TACR3: variants seen among roughly 807,000 people sequenced by gnomAD.
TACR3 encodes neuromedin-K receptor.
TACR3 carries 34 observed loss-of-function variants against 35.0 expected under a neutral mutation model. That is an observed-to-expected ratio of 0.97 (90% CI 0.74 to 1.30). The LOEUF is 1.30. TACR3 is among the 50% of genes most tolerant of loss of function. The probability of loss-of-function intolerance (pLI) is 0.00; values close to 1 mark genes in which losing one functional copy is unlikely to be tolerated. For synonymous variants in TACR3, 233 were observed against 221.1 expected (o/e 1.05, Z -0.48); for missense variants, 558 against 591.7 (o/e 0.94, Z 0.59).
chr4:103,649,984 GGGAA>G (rs1457311868), intron 3 of TACR3, among the ~76,000 whole-genome samples: 2 of 151,944 alleles, frequency 1.3e-5, no homozygotes, highest in Admixed American at 1.3e-4. Context: ...CATCCTTCTT[GGGAA>G]GGATTTCTAG....
chr4:103,634,932 T>C (rs1725147488), intron 3 of TACR3, among the ~76,000 whole-genome samples: 1 of 152,064 alleles, frequency 6.6e-6, no homozygotes, highest in African/African-American at 2.4e-5. Context: ...ATCCAGAGCA[T>C]TGTTGGGAGT....
chr4:103,661,572 T>G (rs185711622), intron 1 of TACR3, among the ~76,000 whole-genome samples: 3 of 152,186 alleles, frequency 2.0e-5, no homozygotes, highest in African/African-American at 7.2e-5. Flanking sequence ...TAAAGCCCTG[T>G]ACAACTCCTG....
chr4:103,665,232 GTATGACTCATA>G, intron 1 of TACR3, among the ~76,000 whole-genome samples: 1 of 138,644 alleles, frequency 7.2e-6, no homozygotes, highest in Non-Finnish European at 1.7e-5. Flanking sequence ...GCTGACTCAT[GTATGACTCATA>G]TATGACTATG....
chr4:103,704,072 C>T (rs1455527498), intron 1 of TACR3, among the ~76,000 whole-genome samples: 1 of 118,840 alleles, frequency 8.4e-6, no homozygotes, highest in African/African-American at 3.2e-5. Flanking sequence ...CCCCTGCATT[C>T]CAGTCTGGGC....
chr4:103,590,093 TC>T, intron 4 of TACR3, 99 bp from the exon 5 acceptor site: 1 of 1,476,108 alleles, frequency 6.8e-7, no homozygotes, highest in Admixed American at 2.0e-5. Flanking sequence ...TTATAACAAC[TC>T]AGTTTTTGAG....
intron 1 of TACR3, among the ~76,000 whole-genome samples, chr4:103,702,900 G>T: frequency 8.8e-6 from 1 of 113,982 alleles, no homozygotes; most frequent in Non-Finnish European, 1.7e-5. Flanking sequence ...GGGACCTGTT[G>T]TGGGGTGGGG....
At chr4:103,602,233 C>T (rs188592765) in intron 3 of TACR3, among the ~76,000 whole-genome samples, 35 of 152,282 alleles carry the variant, frequency 2.3e-4, no homozygotes, top group African/African-American at 8.4e-4. Flanking sequence ...GTTTTCAGCT[C>T]CATCATGTCC....
In TACR3 at chr4:103,587,611, A is replaced by C. The variant is rs899194880; in HGVS notation, c.*2071T>G. On this transcript the variant is annotated 3_prime_UTR_variant, in exon 5 of 5. Coordinates refer to ENST00000304883, the MANE Select transcript of TACR3 (RefSeq NM_001059.3). ...GTAGTGGCTGATGACATTAAATTTG[A>C]GGGCTAAACTTCATATTCATATTTT... 4 of 151,982 alleles carry C rather than the reference A, an allele frequency of 2.6e-5. No homozygotes were observed. Among genetic ancestry groups the C allele is most frequent in the Admixed American group, 2.6e-4 (4 of 15,222 alleles). The allele number at this position is 151,982 out of a possible 1,614,324, so 9.4% of individuals were successfully genotyped here. A position where few individuals can be genotyped will look rare whatever the true frequency, so the allele number is the denominator to read the frequency against.
intron 3 of TACR3, among the ~76,000 whole-genome samples, chr4:103,600,794 T>G (rs937339603): frequency 6.6e-6 from 1 of 152,204 alleles, no homozygotes; most frequent in African/African-American, 2.4e-5. Context: ...TAATCCTGAG[T>G]TCTAGTTTGA....
intron 1 of TACR3, among the ~76,000 whole-genome samples, chr4:103,664,414 T>A (rs774186352): frequency 3.9e-5 from 6 of 152,212 alleles, no homozygotes; most frequent in Non-Finnish European, 7.3e-5. Flanking sequence ...TGTTTCTGGA[T>A]TTTTATGAGC....
intron 3 of TACR3, among the ~76,000 whole-genome samples, chr4:103,619,868 TC>T (rs1167826373): frequency 3.3e-5 from 5 of 152,240 alleles, no homozygotes; most frequent in Non-Finnish European, 7.4e-5. Context: ...CAGGAATGTC[TC>T]CAAAGTAACA....
intron 1 of TACR3, among the ~76,000 whole-genome samples, chr4:103,688,694 A>G (rs1338962795): frequency 6.6e-6 from 1 of 151,414 alleles, no homozygotes; most frequent in African/African-American, 2.4e-5. Flanking sequence ...CAAAACCACA[A>G]TGAGATATCA....
At chr4:103,599,515 G>T (rs1279317434) in intron 3 of TACR3, among the ~76,000 whole-genome samples, 3 of 152,178 alleles carry the variant, frequency 2.0e-5, no homozygotes, top group Admixed American at 6.5e-5. Context: ...GTGAGAGAGG[G>T]CATCCTTGTC....
At chr4:103,689,992 C>T (rs371285242) in intron 1 of TACR3, among the ~76,000 whole-genome samples, 13 of 151,932 alleles carry the variant, frequency 8.6e-5, no homozygotes, top group African/African-American at 3.1e-4. Context: ...ACAAGAGAGC[C>T]ATAATGAAAT....
intron 4 of TACR3, chr4:103,591,243 A>G (rs2110282993): frequency 3.9e-6 from 2 of 517,490 alleles, no homozygotes; most frequent in South Asian, 5.0e-5. Context: ...AAGTTGGCCC[A>G]TAGAAGAATC....
intron 1 of TACR3, among the ~76,000 whole-genome samples, chr4:103,678,717 A>T (rs1487291588): frequency 6.6e-6 from 1 of 152,006 alleles, no homozygotes; most frequent in Admixed American, 6.6e-5. Flanking sequence ...TTAAGTGGAT[A>T]GAAAATGATG....
chr4:103,713,483 G>A (rs567049223), intron 1 of TACR3, among the ~76,000 whole-genome samples: 4 of 96,628 alleles, frequency 4.1e-5, no homozygotes, highest in Non-Finnish European at 7.6e-5. Context: ...GGGGTGGGGG[G>A]AGGGGGGAGG....
intron 3 of TACR3, among the ~76,000 whole-genome samples, chr4:103,614,790 T>TAAGA (rs1724596780): frequency 6.6e-6 from 1 of 151,942 alleles, no homozygotes; most frequent in Non-Finnish European, 1.5e-5. Flanking sequence ...CAATATTCAG[T>TAAGA]AAGATATTCA....
chr4:103,712,757 A>T lies in TACR3; in HGVS notation c.548+6371T>A, dbSNP rs191722174. ...AAGGGCTAATATCCAGAATCTACAA[A>T]GAACTCAAACAAATTTACAAGAAAA... On this transcript the variant is annotated intron_variant, in intron 1 of 4. Transcript: ENST00000304883. Among the ~76,000 whole-genome samples, 573 of 152,266 alleles carry T rather than the reference A, an allele frequency of 3.8e-3. 3 individuals carry two copies. Among genetic ancestry groups the T allele is most frequent in the African/African-American group, 0.013 (525 of 41,558 alleles).
Sources: gnomAD v4.1 joint callset for allele counts (sites outside exome capture counted in the v4.1 genomes callset) on GRCh38, gnomAD v4.1.1 for gene constraint, MANE v1.5 for transcripts, NCBI Gene and HGNC (gene_info 2026-07-23, HGNC 2026-07-21) for gene names.